The following AHDC1 variants were observed in gnomAD, a reference collection of about 807,000 sequenced individuals.
The protein encoded by AHDC1 is AT-hook DNA binding motif containing 1.
A neutral mutation model predicts 87.9 loss-of-function variants in AHDC1; 7 were observed. The ratio of observed to expected loss-of-function variants is 0.08; its 90% CI spans 0.05 to 0.15. The LOEUF (loss-of-function observed/expected upper bound fraction) is 0.15. Among genes scored for constraint, AHDC1 ranks in the 10% least tolerant of loss-of-function variants. The pLI, the probability that AHDC1 is intolerant of heterozygous loss-of-function variation, is 1.00. For synonymous variants in AHDC1, 1,051 were observed against 1,006.8 expected (o/e 1.04, Z -0.83); for missense variants, 1,841 against 2,253.2 (o/e 0.82, Z 3.70).
In AHDC1 at chr1:27,548,067, T is replaced by C; in HGVS notation, c.4049A>G (p.Asn1350Ser). 1.2e-6 allele frequency: 2 copies of C among 1,613,606 alleles called. No homozygotes were observed. Among genetic ancestry groups the C allele is most frequent in the South Asian group, 1.1e-5 (1 of 91,080 alleles). The change falls in exon 8 of 9, where the codon AAC becomes AGC. Residue 1350 changes from asparagine to serine, a missense_variant. This residue lies in a region of AHDC1 where 505 missense variants were observed against 626.2 expected (regional missense o/e 0.81). Transcript: ENST00000673934. The stretch of plus-strand genomic sequence containing the variant: ...GGTGCCATCGGAAGGCGTGGACGGG[T>C]TCATGGAGTAGGGTCCTATGAAGTC... Reference protein sequence around the residue: ...PCDFIGPYSMNPSTPSDGTFG... With the variant: ...PCDFIGPYSMSPSTPSDGTFG...
chr1:27,593,451 T>C lies in AHDC1; in HGVS notation c.-629+9946A>G, dbSNP rs937487891. On this transcript the variant is annotated intron_variant, in intron 3 of 8. Transcript: ENST00000673934. The surrounding 1 kb of genome is among the most constrained non-coding windows in gnomAD (Gnocchi z 4.9). The stretch of plus-strand genomic sequence containing the variant: ...CTGGGACCCAGGTCCCTGGTGTCCA[T>C]GGGCAAAGATGGACCCATTCTCAGG... 2.0e-5 allele frequency among the ~76,000 whole-genome samples: 3 copies of C among 152,216 alleles called. No homozygotes were observed. The highest frequency in any genetic ancestry group is 4.8e-5 in the African/African-American group (2 of 41,450).
At chr1:27,591,981 G>A (rs986098710) in intron 3 of AHDC1, among the ~76,000 whole-genome samples, 1 of 152,168 alleles carries the variant, frequency 6.6e-6, no homozygotes, top group African/African-American at 2.4e-5. Context: ...CCCCGACCTG[G>A]CTGGAGGCGA....
At chr1:27,557,268 C>A (rs1423641679) in intron 5 of AHDC1, among the ~76,000 whole-genome samples, 2 of 151,602 alleles carry the variant, frequency 1.3e-5, no homozygotes. Context: ...TGCTCCGCCC[C>A]CCTCCCCTCC....
chr1:27,549,659 C>T lies in AHDC1; in HGVS notation c.2457G>A (p.Thr819=), dbSNP rs763144584. 17 of 1,612,998 alleles carry T rather than the reference C, an allele frequency of 1.1e-5. No homozygotes were observed. In the African/African-American group the frequency reaches 1.7e-4, roughly 16 times the overall value. The change falls in exon 8 of 9, where the codon ACG becomes ACA. Residue 819 remains threonine, a synonymous_variant. Transcript: ENST00000673934. ...GCTCGGTCTGGCCTGAGGGTGCACC[C>T]GTGCTGTAGTAGCTGCCACGGCCTG... is the stretch of plus-strand genomic sequence containing the variant. ...GASGRGSYYS[T]GAPSGQTELS...
chr1:27,593,328 T>C lies in AHDC1; in HGVS notation c.-629+10069A>G, dbSNP rs1016525473. Among the ~76,000 whole-genome samples the C allele has an allele frequency of 6.6e-6, 1 of 152,038 alleles. No homozygotes were observed. The highest frequency in any genetic ancestry group is 1.9e-4 in the East Asian group (1 of 5,176). On this transcript the variant is annotated intron_variant, in intron 3 of 8. Coordinates refer to ENST00000673934, the MANE Select transcript of AHDC1 (RefSeq NM_001371928.1). The surrounding 1 kb of genome is among the most constrained non-coding windows in gnomAD (Gnocchi z 4.9). ...TCCTGCCTGCAGCAATCTTTAAAAT[T>C]CCTCCAGCCCAACCTCTCTCCCTCT...
intron 3 of AHDC1, among the ~76,000 whole-genome samples, chr1:27,602,013 C>G (rs1041786037): frequency 6.6e-6 from 1 of 152,222 alleles, no homozygotes; most frequent in Non-Finnish European, 1.5e-5. Context: ...GCCAGACAGG[C>G]ACAGGCCCCC....
intron 8 of AHDC1, among the ~76,000 whole-genome samples, chr1:27,539,935 C>T (rs1315279566): frequency 1.3e-5 from 2 of 152,090 alleles, no homozygotes; most frequent in Non-Finnish European, 2.9e-5. Context: ...CTTACCTGTC[C>T]TGGGAGGAGG....
chr1:27,548,096 G>T lies in AHDC1; in HGVS notation c.4020C>A (p.Pro1340=), dbSNP rs1419378753. ...TGGAGTAGGGTCCTATGAAGTCACA[G>T]GGGTCTCGCTCTCCCACGCCGAAGG... ...SRAFGVGERD[P]CDFIGPYSMN... Residue 1340 remains proline (P), a synonymous_variant, in exon 8 of 9, where the codon CCC becomes CCA. Coordinates refer to ENST00000673934, the MANE Select transcript of AHDC1 (RefSeq NM_001371928.1). 6 of 1,613,954 alleles carry T rather than the reference G, an allele frequency of 3.7e-6. No individual in the cohort carries two copies. Among genetic ancestry groups the T allele is most frequent in the Non-Finnish European group, 5.1e-6 (6 of 1,180,030 alleles).
chr1:27,566,718 T>TG (rs1216315554), intron 3 of AHDC1, among the ~76,000 whole-genome samples: 23 of 60,076 alleles, frequency 3.8e-4, no homozygotes, highest in Admixed American at 1.0e-3. Flanking sequence ...TTGCCAGAAC[T>TG]GGGGGGGGAC....
chr1:27,547,242 C>T lies in AHDC1; in HGVS notation c.*43+19G>A. The stretch of plus-strand genomic sequence containing the variant: ...CACCCCCAGGCCTCTGCCCACTGCG[C>T]CCACATCCCCAGACTCACCCAGGAA... On this transcript the variant is annotated intron_variant, in intron 8 of 8. Transcript: ENST00000673934. The surrounding 1 kb of genome is among the most constrained non-coding windows in gnomAD (Gnocchi z 4.9). The T allele has an allele frequency of 6.8e-7, 1 of 1,480,458 alleles. No homozygotes were observed. The highest frequency in any genetic ancestry group is 2.3e-5 in the Admixed American group (1 of 43,820). 91.7% of individuals were successfully genotyped at this position (1,480,458 alleles called of 1,614,324 possible). A position where few individuals can be genotyped will look rare whatever the true frequency, so the allele number is the denominator to read the frequency against.
In AHDC1 at chr1:27,563,853, G is replaced by T. The variant is rs2020206765; in HGVS notation, c.-628-4970C>A. The stretch of plus-strand genomic sequence containing the variant: ...CTACCTGGAAATGCCACCTCCCCCA[G>T]CCCTCACTCCACTCCATTTCTTATT... On this transcript the variant is annotated intron_variant, in intron 3 of 8. Coordinates refer to ENST00000673934, the MANE Select transcript of AHDC1 (RefSeq NM_001371928.1). The surrounding 1 kb of genome is among the most constrained non-coding windows in gnomAD (Gnocchi z 6.1). 6.6e-6 allele frequency among the ~76,000 whole-genome samples: 1 copy of T among 152,130 alleles called. No individual in the cohort carries two copies. The highest frequency in any genetic ancestry group is 2.1e-4 in the South Asian group (1 of 4,836).
At chr1:27,586,628 G>A (rs1421949829) in intron 3 of AHDC1, among the ~76,000 whole-genome samples, 4 of 152,194 alleles carry the variant, frequency 2.6e-5, no homozygotes, top group African/African-American at 9.7e-5. Context: ...GGCAGCTTGG[G>A]CTGGAGGCGT....
chr1:27,597,323 CAT>C (rs2089402979), intron 3 of AHDC1, among the ~76,000 whole-genome samples: 1 of 151,560 alleles, frequency 6.6e-6, no homozygotes, highest in Non-Finnish European at 1.5e-5. Context: ...TGGAGATTTA[CAT>C]GTCACAAATT....
chr1:27,603,110 G>A (rs2089582486), intron 3 of AHDC1, among the ~76,000 whole-genome samples: 1 of 151,064 alleles, frequency 6.6e-6, no homozygotes, highest in Admixed American at 6.6e-5. Flanking sequence ...CCCCCGAGCC[G>A]GGGGAGCCGC....
At chr1:27,535,821 G>A (rs965323665) in intron 8 of AHDC1, among the ~76,000 whole-genome samples, 2 of 152,022 alleles carry the variant, frequency 1.3e-5, no homozygotes, top group Non-Finnish European at 2.9e-5. Context: ...GGGGCCCTGG[G>A]GATCTGACTT....
At chr1:27,572,207 G>A (rs1205916399) in intron 3 of AHDC1, among the ~76,000 whole-genome samples, 1 of 152,140 alleles carries the variant, frequency 6.6e-6, no homozygotes, top group Non-Finnish European at 1.5e-5. Context: ...TGGGGAAGGG[G>A]TTAAAAGGTC....
rs2019225886 is a variant in AHDC1 at position 27,547,439 on chromosome 1, C to G, written c.4677G>C (p.Leu1559=). 1.9e-6 allele frequency: 3 copies of G among 1,587,476 alleles called. No individual in the cohort carries two copies. The highest frequency in any genetic ancestry group is 2.6e-6 in the Non-Finnish European group (3 of 1,161,820). The change falls in exon 8 of 9, where the codon CTG becomes CTC. Residue 1559 remains leucine (L), a synonymous_variant. Transcript: ENST00000673934. The surrounding 1 kb of genome is among the most constrained non-coding windows in gnomAD (Gnocchi z 4.9). The part of the protein sequence containing the change: ...SPVPRDSLLP[L]QDTAYRYPGF... ...CTGGGTACCTGTAGGCGGTGTCCTGCAGGGGCAGCAGCGAGTCCCTCGGCA... is the reference window on the plus strand; with the variant it reads ...CTGGGTACCTGTAGGCGGTGTCCTGGAGGGGCAGCAGCGAGTCCCTCGGCA...
chr1:27,536,453 G>A (rs571258576), intron 8 of AHDC1, among the ~76,000 whole-genome samples: 1 of 152,322 alleles, frequency 6.6e-6, no homozygotes, highest in Non-Finnish European at 1.5e-5. Context: ...GGCGAGCGGT[G>A]TGCCTGGGAG....
intron 3 of AHDC1, among the ~76,000 whole-genome samples, chr1:27,567,134 G>A (rs2020356143): frequency 6.6e-6 from 1 of 152,074 alleles, no homozygotes; most frequent in African/African-American, 2.4e-5. Flanking sequence ...CTGGCCCTGG[G>A]GACCCTCCTC....
Sources: allele counts gnomAD v4.1 joint callset (sites outside exome capture counted in the v4.1 genomes callset), GRCh38; gene constraint gnomAD v4.1.1; regional missense constraint gnomAD v4.1.1; non-coding constraint Gnocchi (gnomAD v3.1); transcripts MANE v1.5; gene names NCBI Gene and HGNC (gene_info 2026-07-23, HGNC 2026-07-21).